MEI4: variants seen among roughly 807,000 people sequenced by gnomAD.
The protein encoded by MEI4 is meiosis-specific protein MEI4.
A neutral mutation model predicts 31.4 loss-of-function variants in MEI4; 27 were observed. The observed-to-expected ratio is 0.86, with a 90% CI of 0.63 to 1.19. The LOEUF (loss-of-function observed/expected upper bound fraction) is 1.19, where lower values mean the gene tolerates loss of function less well. MEI4 is among the 50% of genes most tolerant of loss of function. The pLI, the probability that MEI4 is intolerant of heterozygous loss-of-function variation, is 0.00. For missense variants in MEI4, 329 were observed against 398.9 expected, an observed-to-expected ratio of 0.82 and a Z score of 1.49; for synonymous variants, 122 against 145.4, an observed-to-expected ratio of 0.84 and a Z score of 1.16.
At chr6:77,748,627 T>A (rs115812270) in intron 2 of MEI4, among the ~76,000 whole-genome samples, 1 of 152,230 alleles carries the variant, frequency 6.6e-6, no homozygotes, top group African/African-American at 2.4e-5. Flanking sequence ...TTCCCCATTG[T>A]CTTGGAGATT....
intron 4 of MEI4, among the ~76,000 whole-genome samples, chr6:77,917,900 G>A (rs1271113703): frequency 2.7e-5 from 4 of 147,822 alleles, no homozygotes; most frequent in Non-Finnish European, 6.0e-5. Flanking sequence ...TATGGTTTTA[G>A]GTCTAACGTT....
intron 3 of MEI4, among the ~76,000 whole-genome samples, chr6:77,766,303 G>A (rs1768172761): frequency 6.6e-6 from 1 of 152,112 alleles, no homozygotes; most frequent in African/African-American, 2.4e-5. Flanking sequence ...TTTGAAGTTG[G>A]TGATTCCCTC....
At chr6:77,734,629 C>T (rs1312141291) in intron 2 of MEI4, among the ~76,000 whole-genome samples, 1 of 151,810 alleles carries the variant, frequency 6.6e-6, no homozygotes, top group Admixed American at 6.6e-5. Flanking sequence ...AGCATTTAGT[C>T]CATTTACATT....
chr6:77,754,527 C>G (rs1234095379), intron 2 of MEI4, among the ~76,000 whole-genome samples: 1 of 152,176 alleles, frequency 6.6e-6, no homozygotes, highest in East Asian at 1.9e-4. Context: ...TGTGTACCCT[C>G]AGAATGGTTG....
At chr6:77,857,513 T>C (rs1770774156) in intron 4 of MEI4, among the ~76,000 whole-genome samples, 1 of 152,210 alleles carries the variant, frequency 6.6e-6, no homozygotes. Context: ...TTGTCACCTG[T>C]TGTCCCCCAC....
In MEI4 at chr6:77,820,847, TA is replaced by T. The variant is rs1769806720; in HGVS notation, c.769-8078del. Among the ~76,000 whole-genome samples, 1 of 152,062 alleles carries T rather than the reference TA, an allele frequency of 6.6e-6. No individual in the cohort carries two copies. The highest frequency in any genetic ancestry group is 2.4e-5 in the African/African-American group (1 of 41,428). On this transcript the variant is annotated intron_variant, in intron 3 of 4. Coordinates refer to ENST00000684080, the MANE Select transcript of MEI4 (RefSeq NM_001322247.2). This position sits in a 1 kb window ranked among gnomAD's most constrained non-coding sequence, Gnocchi z 4.5. ...GTGAATTCTTGTTGTTTCTTAGGCC[TA>T]AAAAACTTTCTTCCATTATTTTTTC...
chr6:77,705,565 A>G (rs914420205), intron 2 of MEI4, among the ~76,000 whole-genome samples: 1 of 152,244 alleles, frequency 6.6e-6, no homozygotes. Context: ...GACAAAGCAC[A>G]TGTATCAATA....
chr6:77,773,137 A>T lies in MEI4; in HGVS notation c.768+11472A>T, dbSNP rs146864725. Among the ~76,000 whole-genome samples, 218 of 152,172 alleles carry T rather than the reference A, an allele frequency of 1.4e-3. 1 individual carries two copies. Among genetic ancestry groups the T allele is most frequent in the African/African-American group, 4.5e-3 (186 of 41,556 alleles). On this transcript the variant is annotated intron_variant, in intron 3 of 4. Transcript: ENST00000684080. ...ACTACCCCAAGCAATCTATAGAGTCATTGTAATCGCTATCAAAATACTAAT... is the reference window on the plus strand; with the variant it reads ...ACTACCCCAAGCAATCTATAGAGTCTTTGTAATCGCTATCAAAATACTAAT...
intron 2 of MEI4, among the ~76,000 whole-genome samples, chr6:77,745,068 G>T (rs1767553997): frequency 6.6e-6 from 1 of 152,138 alleles, no homozygotes; most frequent in South Asian, 2.1e-4. Context: ...CAACTGAGAA[G>T]CAAAATAACC....
intron 2 of MEI4, among the ~76,000 whole-genome samples, chr6:77,760,414 A>G (rs1768015255): frequency 6.6e-6 from 1 of 151,710 alleles, no homozygotes; most frequent in African/African-American, 2.4e-5. Context: ...AATTCACTCT[A>G]CACTTTACAG....
intron 4 of MEI4, among the ~76,000 whole-genome samples, chr6:77,840,857 T>A (rs1373693363): frequency 6.6e-6 from 1 of 152,132 alleles, no homozygotes; most frequent in Non-Finnish European, 1.5e-5. Context: ...GCTCCAAGAT[T>A]TTGGAACAAC....
chr6:77,684,117 A>G (rs1216550780), intron 1 of MEI4, among the ~76,000 whole-genome samples: 1 of 152,160 alleles, frequency 6.6e-6, no homozygotes, highest in Non-Finnish European at 1.5e-5. Flanking sequence ...TTCCCTAATG[A>G]TTACTGATGT....
At chr6:77,866,980 C>T (rs1450612123) in intron 4 of MEI4, among the ~76,000 whole-genome samples, 1 of 152,252 alleles carries the variant, frequency 6.6e-6, no homozygotes, top group East Asian at 1.9e-4. Flanking sequence ...GGAAAGGATT[C>T]CCTATTTAAT....
intron 2 of MEI4, among the ~76,000 whole-genome samples, chr6:77,728,337 G>A (rs1766880811): frequency 6.6e-6 from 1 of 152,144 alleles, no homozygotes; most frequent in Non-Finnish European, 1.5e-5. Flanking sequence ...TAGTTAGAAA[G>A]GTATGAGCTC....
chr6:77,916,842 A>T (rs1451427872), intron 4 of MEI4, among the ~76,000 whole-genome samples: 1 of 151,636 alleles, frequency 6.6e-6, no homozygotes, highest in Non-Finnish European at 1.5e-5. Flanking sequence ...ATATGTATAC[A>T]TGTGGCATGC....
At chr6:77,706,574 T>A (rs1405138041) in intron 2 of MEI4, among the ~76,000 whole-genome samples, 2 of 152,084 alleles carry the variant, frequency 1.3e-5, no homozygotes, top group East Asian at 3.9e-4. Flanking sequence ...GTTGATATGG[T>A]TTAGATGTTT....
At chr6:77,832,167 A>G (rs572127612) in intron 4 of MEI4, among the ~76,000 whole-genome samples, 157 of 152,152 alleles carry the variant, frequency 1.0e-3, no homozygotes, top group Middle Eastern at 3.5e-3. Context: ...TTTCCAACCT[A>G]AAGTAAATAT....
chr6:77,669,603 A>C (rs1039407971), intron 1 of MEI4, among the ~76,000 whole-genome samples: 2 of 146,976 alleles, frequency 1.4e-5, no homozygotes, highest in African/African-American at 4.9e-5. Context: ...TAAAAGAGTA[A>C]AAGCAGAGAG....
At chr6:77,758,677 C>G (rs904831576) in intron 2 of MEI4, among the ~76,000 whole-genome samples, 2 of 152,302 alleles carry the variant, frequency 1.3e-5, no homozygotes, top group East Asian at 3.9e-4. Context: ...TTTGGCATTA[C>G]AGATCCCAGC....
Sources: allele counts gnomAD v4.1 joint callset (sites outside exome capture counted in the v4.1 genomes callset), GRCh38; gene constraint gnomAD v4.1.1; non-coding constraint Gnocchi (gnomAD v3.1); transcripts MANE v1.5; gene names NCBI Gene and HGNC (gene_info 2026-07-23, HGNC 2026-07-21).